The following GALNT13 variants were observed in gnomAD, a reference collection of about 807,000 sequenced individuals.
GALNT13 encodes the protein polypeptide N-acetylgalactosaminyltransferase 13.
In GALNT13, 28 loss-of-function variants were observed where a neutral mutation model predicts 64.2. That is an observed-to-expected ratio of 0.44 (90% CI 0.32 to 0.60). The LOEUF (loss-of-function observed/expected upper bound fraction) is 0.60, where lower values mean the gene tolerates loss of function less well. Among genes scored for constraint, GALNT13 ranks in the 20% least tolerant of loss-of-function variants. GALNT13 has a pLI of 0.05. For synonymous variants in GALNT13, 214 were observed against 224.6 expected, an observed-to-expected ratio of 0.95 and a Z score of 0.42; for missense variants, 577 against 669.8, an observed-to-expected ratio of 0.86 and a Z score of 1.53.
At chr2:154,156,913 G>A (rs759874826) in intron 4 of GALNT13, among the ~76,000 whole-genome samples, 7 of 152,092 alleles carry the variant, frequency 4.6e-5, no homozygotes, top group Non-Finnish European at 8.8e-5. Flanking sequence ...GTGTGTTGAA[G>A]AGACTGATCT....
At chr2:154,440,074 G>T (rs1356299234) in intron 12 of GALNT13, among the ~76,000 whole-genome samples, 1 of 152,122 alleles carries the variant, frequency 6.6e-6, no homozygotes, top group Non-Finnish European at 1.5e-5. Context: ...GAAAAGTGCA[G>T]TAAAATGTAC....
chr2:154,001,351 T>C (rs1695890862), intron 3 of GALNT13, among the ~76,000 whole-genome samples: 2 of 152,014 alleles, frequency 1.3e-5, no homozygotes, highest in Admixed American at 1.3e-4. Flanking sequence ...GTTGTTCTTT[T>C]TTTGATCCTT....
chr2:154,310,446 T>TA (rs1465013262), intron 9 of GALNT13, among the ~76,000 whole-genome samples: 2 of 152,140 alleles, frequency 1.3e-5, no homozygotes, highest in African/African-American at 2.4e-5. Flanking sequence ...TTCATATATA[T>TA]AAAAAAACAG....
chr2:153,460,169 CTT>C, the GALNT13 span, among the ~76,000 whole-genome samples: 2 of 152,054 alleles, frequency 1.3e-5, no homozygotes, highest in African/African-American at 4.8e-5. Flanking sequence ...TTTCTTCTCA[CTT>C]CTCTCTAAGG....
At chr2:154,115,428 TA>T (rs989393830) in intron 3 of GALNT13, among the ~76,000 whole-genome samples, 32 of 152,182 alleles carry the variant, frequency 2.1e-4, no homozygotes, top group South Asian at 1.2e-3. Context: ...TTTATCTATT[TA>T]TTTTTTTTTG....
At chr2:153,544,253 CTGAT>C in the GALNT13 span, among the ~76,000 whole-genome samples, 2 of 152,178 alleles carry the variant, frequency 1.3e-5, no homozygotes, top group Non-Finnish European at 2.9e-5. Context: ...AAAACCTCTG[CTGAT>C]TGTTATTATT....
chr2:153,497,809 A>G, the GALNT13 span, among the ~76,000 whole-genome samples: 79 of 152,184 alleles, frequency 5.2e-4, no homozygotes, highest in Middle Eastern at 3.4e-3. Flanking sequence ...AAGTGCTGGG[A>G]TTACAGGCGT....
At chr2:153,343,724 A>G in the GALNT13 span, among the ~76,000 whole-genome samples, 1 of 151,988 alleles carries the variant, frequency 6.6e-6, no homozygotes, top group Non-Finnish European at 1.5e-5. Context: ...TTCCTCTCCC[A>G]TGATATCCAT....
chr2:153,411,101 C>T, the GALNT13 span, among the ~76,000 whole-genome samples: 1 of 151,526 alleles, frequency 6.6e-6, no homozygotes, highest in Non-Finnish European at 1.5e-5. Flanking sequence ...AGCCATTTGC[C>T]CACTTCAGCC....
At chr2:153,401,710 T>C in the GALNT13 span, among the ~76,000 whole-genome samples, 11 of 147,440 alleles carry the variant, frequency 7.5e-5, no homozygotes, top group Admixed American at 6.8e-4. Context: ...TGATCTTTGT[T>C]GGTTTAAAGT....
intron 4 of GALNT13, among the ~76,000 whole-genome samples, chr2:154,191,337 G>T (rs1433445492): frequency 6.6e-6 from 1 of 152,150 alleles, no homozygotes; most frequent in Non-Finnish European, 1.5e-5. Flanking sequence ...GGATTAAGAA[G>T]TTTAGATGTA....
chr2:153,930,495 T>C (rs1690443123), intron 2 of GALNT13, among the ~76,000 whole-genome samples: 1 of 152,194 alleles, frequency 6.6e-6, no homozygotes, highest in Non-Finnish European at 1.5e-5. Flanking sequence ...CCATCTTGAG[T>C]TGACTTTTAC....
At chr2:154,155,981 G>A (rs540544049) in intron 4 of GALNT13, among the ~76,000 whole-genome samples, 3 of 151,574 alleles carry the variant, frequency 2.0e-5, no homozygotes, top group Admixed American at 6.6e-5. Context: ...TATATTCGAC[G>A]TATATTTATG....
intron 12 of GALNT13, among the ~76,000 whole-genome samples, chr2:154,443,988 G>A (rs1701436672): frequency 6.6e-6 from 1 of 152,056 alleles, no homozygotes; most frequent in Non-Finnish European, 1.5e-5. Flanking sequence ...TAAAGCTATA[G>A]GAAAATATAT....
chr2:153,213,374 G>A, the GALNT13 span, among the ~76,000 whole-genome samples: 2 of 152,206 alleles, frequency 1.3e-5, no homozygotes, highest in Non-Finnish European at 2.9e-5. Context: ...CCTTTGCTCT[G>A]TGGGGAGACT....
chr2:153,277,923 CTTTCTTTTTTTT>C, the GALNT13 span, among the ~76,000 whole-genome samples: 4 of 78,954 alleles, frequency 5.1e-5, no homozygotes, highest in Non-Finnish European at 9.4e-5. Context: ...GTTTTCTTTT[CTTTCTTTTTTTT>C]TTTTTTTTTG....
At chr2:153,564,226 T>TA in the GALNT13 span, among the ~76,000 whole-genome samples, 1 of 152,028 alleles carries the variant, frequency 6.6e-6, no homozygotes, top group African/African-American at 2.4e-5. Flanking sequence ...TCTTCTTGTT[T>TA]AATGAAAGCA....
chr2:153,518,821 G>A, the GALNT13 span, among the ~76,000 whole-genome samples: 2 of 152,042 alleles, frequency 1.3e-5, no homozygotes, highest in African/African-American at 4.8e-5. Context: ...TCCCAGAGAT[G>A]GAAAATGGGT....
intron 8 of GALNT13, among the ~76,000 whole-genome samples, chr2:154,277,872 A>C (rs1332590797): frequency 6.6e-6 from 1 of 152,204 alleles, no homozygotes; most frequent in Non-Finnish European, 1.5e-5. Flanking sequence ...CAAATATGCC[A>C]AAATTGAAAT....
Sources: allele counts gnomAD v4.1 joint callset (sites outside exome capture counted in the v4.1 genomes callset), GRCh38; gene constraint gnomAD v4.1.1; transcripts MANE v1.5; gene names NCBI Gene and HGNC (gene_info 2026-07-23, HGNC 2026-07-21).